The following GRID1 variants were observed in gnomAD, a reference collection of about 807,000 sequenced individuals.
GRID1 encodes the protein glutamate receptor ionotropic, delta-1.
Under a neutral mutation model 98.0 loss-of-function variants are expected in GRID1, and 28 were observed. That is an observed-to-expected ratio of 0.29 (90% CI 0.21 to 0.39). The LOEUF (loss-of-function observed/expected upper bound fraction) is 0.39. Among genes scored for constraint, GRID1 ranks in the 10% least tolerant of loss-of-function variants. The probability of loss-of-function intolerance (pLI) is 1.00; values close to 1 mark genes in which losing one functional copy is unlikely to be tolerated. For missense variants in GRID1, 1,111 were observed against 1,340.5 expected, an observed-to-expected ratio of 0.83 and a Z score of 2.67; for synonymous variants, 553 against 538.5, an observed-to-expected ratio of 1.03 and a Z score of -0.37.
intron 12 of GRID1, among the ~76,000 whole-genome samples, chr10:85,664,784 A>T (rs768555062): frequency 6.6e-6 from 1 of 152,156 alleles, no homozygotes; most frequent in Non-Finnish European, 1.5e-5. Flanking sequence ...TTATTGAGTG[A>T]TGTATGTTAA....
chr10:85,741,624 C>A (rs1463577986), intron 8 of GRID1, among the ~76,000 whole-genome samples: 1 of 152,074 alleles, frequency 6.6e-6, no homozygotes, highest in African/African-American at 2.4e-5. Flanking sequence ...TTTATGCACT[C>A]CCTATCTAAG....
chr10:85,703,556 G>T (rs1409256895), intron 12 of GRID1, among the ~76,000 whole-genome samples: 2 of 152,020 alleles, frequency 1.3e-5, no homozygotes, highest in Non-Finnish European at 2.9e-5. Flanking sequence ...AGGTATTTTA[G>T]TATTACCTTA....
chr10:86,002,194 C>T (rs769417509), intron 4 of GRID1, among the ~76,000 whole-genome samples: 4 of 152,180 alleles, frequency 2.6e-5, no homozygotes, highest in African/African-American at 7.2e-5. Context: ...GTTAAGTCTT[C>T]AACACATCCA....
chr10:86,333,997 G>A (rs1271977370), intron 2 of GRID1, among the ~76,000 whole-genome samples: 1 of 151,944 alleles, frequency 6.6e-6, no homozygotes, highest in Non-Finnish European at 1.5e-5. Flanking sequence ...GATGCCAGCC[G>A]CCACCCCCTC....
chr10:85,725,799 A>C (rs1841754658), intron 10 of GRID1, among the ~76,000 whole-genome samples: 2 of 152,220 alleles, frequency 1.3e-5, no homozygotes, highest in South Asian at 4.1e-4. Context: ...CAGAAATCTA[A>C]TACTATACCT....
intron 4 of GRID1, among the ~76,000 whole-genome samples, chr10:86,034,580 G>A (rs191623858): frequency 4.0e-5 from 6 of 151,840 alleles, no homozygotes; most frequent in South Asian, 4.2e-4. Flanking sequence ...CATTCTTTCC[G>A]CAATACCACA....
At chr10:85,618,805 A>G (rs1000769623) in intron 14 of GRID1, among the ~76,000 whole-genome samples, 1 of 152,182 alleles carries the variant, frequency 6.6e-6, no homozygotes, top group Non-Finnish European at 1.5e-5. Flanking sequence ...CTAGGGCTCA[A>G]GAGACCTGGA....
chr10:86,124,125 T>C (rs1844717378), intron 4 of GRID1, among the ~76,000 whole-genome samples: 1 of 152,174 alleles, frequency 6.6e-6, no homozygotes, highest in Non-Finnish European at 1.5e-5. Context: ...GATTTCTGTG[T>C]CCCTGAGCTG....
chr10:85,959,860 G>C (rs1484632546), intron 4 of GRID1, among the ~76,000 whole-genome samples: 4 of 151,790 alleles, frequency 2.6e-5, no homozygotes, highest in African/African-American at 9.7e-5. Flanking sequence ...TCATTGTGTG[G>C]ATATATTTTT....
chr10:86,153,918 A>G (rs537483060), intron 3 of GRID1, among the ~76,000 whole-genome samples: 9 of 152,300 alleles, frequency 5.9e-5, no homozygotes, highest in Middle Eastern at 3.4e-3. Flanking sequence ...ATCTTAAAAT[A>G]TAATTTGAAT....
chr10:86,009,686 C>T (rs1842903241), intron 4 of GRID1, among the ~76,000 whole-genome samples: 1 of 152,182 alleles, frequency 6.6e-6, no homozygotes, highest in Non-Finnish European at 1.5e-5. Flanking sequence ...TATGTTCTTT[C>T]CCTGCAAAGG....
At chr10:85,627,761 G>A (rs990314087) in intron 13 of GRID1, among the ~76,000 whole-genome samples, 9 of 152,322 alleles carry the variant, frequency 5.9e-5, no homozygotes, top group South Asian at 2.1e-4. Flanking sequence ...TAAAAGGAAG[G>A]TTGGGAGTGG....
At chr10:86,322,807 G>A (rs1389365333) in intron 2 of GRID1, among the ~76,000 whole-genome samples, 2 of 150,794 alleles carry the variant, frequency 1.3e-5, no homozygotes, top group Non-Finnish European at 3.0e-5. Context: ...AAATCCAAGG[G>A]ACAGCCAGGC....
intron 2 of GRID1, among the ~76,000 whole-genome samples, chr10:86,303,681 T>C (rs114236819): frequency 7.9e-4 from 121 of 152,370 alleles, no homozygotes; most frequent in African/African-American, 2.8e-3. Context: ...TATTAAGGGT[T>C]GTGGACAGGA....
intron 2 of GRID1, among the ~76,000 whole-genome samples, chr10:86,270,134 G>C (rs773693858): frequency 3.3e-5 from 5 of 152,154 alleles, no homozygotes; most frequent in Non-Finnish European, 4.4e-5. Flanking sequence ...TGCTTTGTCT[G>C]AGCAGCCGAA....
intron 8 of GRID1, among the ~76,000 whole-genome samples, chr10:85,744,200 T>C (rs1200454191): frequency 6.6e-6 from 1 of 152,142 alleles, no homozygotes; most frequent in Non-Finnish European, 1.5e-5. Context: ...AGACCTTCTA[T>C]AGTCTTAAAG....
chr10:85,889,107 TA>T (rs913605866), intron 5 of GRID1, among the ~76,000 whole-genome samples: 3 of 152,220 alleles, frequency 2.0e-5, no homozygotes, highest in African/African-American at 7.2e-5. Flanking sequence ...TGGGACAAGT[TA>T]AAACAGCTTT....
intron 8 of GRID1, among the ~76,000 whole-genome samples, chr10:85,813,360 A>T (rs1238811006): frequency 6.6e-6 from 1 of 151,668 alleles, no homozygotes; most frequent in Non-Finnish European, 1.5e-5. Context: ...AAAACAACAC[A>T]TTATACACAG....
intron 4 of GRID1, among the ~76,000 whole-genome samples, chr10:86,002,217 A>G (rs74766680): frequency 1.3e-3 from 194 of 152,342 alleles, no homozygotes; most frequent in African/African-American, 4.4e-3. Context: ...AGGTGATACA[A>G]TTCAACCTAA....
Sources: allele counts gnomAD v4.1 joint callset (sites outside exome capture counted in the v4.1 genomes callset), GRCh38; gene constraint gnomAD v4.1.1; transcripts MANE v1.5; gene names NCBI Gene and HGNC (gene_info 2026-07-23, HGNC 2026-07-21).